USP24: variants seen among roughly 807,000 people sequenced by gnomAD.
USP24 encodes ubiquitin carboxyl-terminal hydrolase 24.
A neutral mutation model predicts 361.6 loss-of-function variants in USP24; 97 were observed. The observed-to-expected ratio is 0.27, with a 90% CI of 0.23 to 0.32. USP24 has a LOEUF of 0.32. Among genes scored for constraint, USP24 ranks in the 10% least tolerant of loss-of-function variants. USP24 has a pLI of 1.00. For synonymous variants in USP24, 1,098 were observed against 1,124.6 expected, an observed-to-expected ratio of 0.98 and a Z score of 0.47; for missense variants, 2,353 against 3,165.6, an observed-to-expected ratio of 0.74 and a Z score of 6.16.
At chr1:55,105,242 T>A (rs1252967154) in intron 41 of USP24, among the ~76,000 whole-genome samples, 2 of 152,178 alleles carry the variant, frequency 1.3e-5, no homozygotes, top group African/African-American at 4.8e-5. Flanking sequence ...GCACCAAATC[T>A]TCCAAAACAG....
At chr1:55,090,379 T>A (rs116770825) in intron 54 of USP24, among the ~76,000 whole-genome samples, 5 of 152,218 alleles carry the variant, frequency 3.3e-5, no homozygotes, top group African/African-American at 1.2e-4. Context: ...TATGCCAGGA[T>A]AGGCATAGTG....
intron 61 of USP24, among the ~76,000 whole-genome samples, chr1:55,077,586 A>G (rs1265274048): frequency 6.6e-6 from 1 of 152,202 alleles, no homozygotes; most frequent in African/African-American, 2.4e-5. Context: ...ATCCGATTTT[A>G]TATATGTCCA....
At chr1:55,145,797 T>C (rs1356103244) in intron 20 of USP24, among the ~76,000 whole-genome samples, 4 of 152,306 alleles carry the variant, frequency 2.6e-5, no homozygotes, top group Admixed American at 6.5e-5. Context: ...GCAGGCCATA[T>C]GATTTAAAAA....
chr1:55,159,109 C>A, intron 9 of USP24, 73 bp from the exon 10 acceptor site: 2 of 1,253,054 alleles, frequency 1.6e-6, no homozygotes, highest in Non-Finnish European at 2.1e-6. Context: ...TTATAACATA[C>A]ACAAGAATAT....
rs192430774 is a variant in USP24 at position 55,112,045 on chromosome 1, A to G, written c.4509-1799T>C. ...ATATTATATCTAAAACAGAGGTATT[A>G]AAAAAAGTCAAGAATGGATCAAAGA... On this transcript the variant is annotated intron_variant, in intron 38 of 67. Transcript: ENST00000294383. Among the ~76,000 whole-genome samples the G allele has an allele frequency of 2.6e-5, 4 of 152,246 alleles. No individual in the cohort carries two copies. The East Asian group carries it at 7.7e-4, about 29-fold the overall frequency.
At chr1:55,137,437 T>C (rs980381225) in intron 28 of USP24, 78 bp downstream of exon 28, 255 of 1,462,718 alleles carry the variant, frequency 1.7e-4, no homozygotes, top group Non-Finnish European at 2.3e-4. Context: ...GCATTTGTTA[T>C]ACAGTTTGGA....
intron 3 of USP24, among the ~76,000 whole-genome samples, chr1:55,175,930 C>T (rs1323061201): frequency 6.6e-6 from 1 of 152,162 alleles, no homozygotes; most frequent in Non-Finnish European, 1.5e-5. Context: ...AATACCTAGT[C>T]AATCTTTTAG....
At chr1:55,103,160 A>T (rs180785441) in intron 42 of USP24, among the ~76,000 whole-genome samples, 145 of 152,226 alleles carry the variant, frequency 9.5e-4, no homozygotes, top group Non-Finnish European at 1.9e-3. Flanking sequence ...AAGCTATTTC[A>T]TGTCTCCACA....
At chr1:55,070,412 G>A (rs912539122) in intron 67 of USP24, among the ~76,000 whole-genome samples, 1 of 152,166 alleles carries the variant, frequency 6.6e-6, no homozygotes, top group Non-Finnish European at 1.5e-5. Context: ...AGAAGGGTTT[G>A]AGGAAAACTA....
At chr1:55,104,279 C>A (rs369306789) in intron 41 of USP24, among the ~76,000 whole-genome samples, 2 of 152,016 alleles carry the variant, frequency 1.3e-5, no homozygotes, top group African/African-American at 2.4e-5. Context: ...AATGGATCAG[C>A]AAGAATGGAG....
intron 59 of USP24, 66 bp from the exon 60 acceptor site, chr1:55,079,725 C>A: frequency 6.9e-7 from 1 of 1,441,756 alleles, no homozygotes; most frequent in Admixed American, 2.9e-5. Context: ...AAATACACAT[C>A]CATAAGAAAA....
At position 55,106,296 on chromosome 1, in the gene USP24, G is replaced by A. The variant is rs368857747; in HGVS notation, c.4763-33C>T. 2.7e-6 allele frequency: 4 copies of A among 1,507,038 alleles called. No individual in the cohort carries two copies. The African/African-American group carries it at 4.1e-5, about 16-fold the overall frequency. 93.4% of individuals were successfully genotyped at this position (1,507,038 alleles called of 1,614,324 possible). On this transcript the variant is annotated intron_variant, in intron 40 of 67. Coordinates refer to ENST00000294383, the MANE Select transcript of USP24 (RefSeq NM_015306.3). ...AGAGCATAATATTCATGTTGAAGAT[G>A]AACACATATTTTAATTCAAAGATCC...
At chr1:55,132,399 A>G (rs533529285) in intron 31 of USP24, 146 bp downstream of exon 31, 158 of 1,066,476 alleles carry the variant, frequency 1.5e-4, no homozygotes, top group Non-Finnish European at 1.2e-5. Context: ...AAAACGTTTC[A>G]ATTTATAATC....
In USP24 at chr1:55,100,636, C is replaced by T. The variant is rs1645610266; in HGVS notation, c.5271+203G>A. On this transcript the variant is annotated intron_variant, in intron 44 of 67. Coordinates refer to ENST00000294383, the MANE Select transcript of USP24 (RefSeq NM_015306.3). ...TCAAAATAATTAAGATGAGCAAATT[C>T]CTAGGAATTGAATGACTATTCTCAA... Among the ~76,000 whole-genome samples the T allele has an allele frequency of 2.6e-5, 4 of 152,140 alleles. No homozygotes were observed. The South Asian group carries it at 6.2e-4, about 24-fold the overall frequency.
chr1:55,154,818 C>T (rs770554647), intron 12 of USP24, 40 bp from the exon 13 acceptor site: 11 of 1,524,854 alleles, frequency 7.2e-6, no homozygotes, highest in Non-Finnish European at 9.9e-6. Flanking sequence ...AGTCTTGGAA[C>T]TCGGAACAAC....
chr1:55,072,022 A>G (rs1423131973), intron 66 of USP24, 98 bp from the exon 67 acceptor site: 1 of 1,097,892 alleles, frequency 9.1e-7, no homozygotes, highest in Non-Finnish European at 1.3e-6. Context: ...CTTCAGTGGG[A>G]CCGGAGGCCT....
chr1:55,117,281 A>G (rs1272667416), intron 38 of USP24, among the ~76,000 whole-genome samples: 1 of 152,244 alleles, frequency 6.6e-6, no homozygotes, highest in Non-Finnish European at 1.5e-5. Context: ...AAGGATGCCC[A>G]CTTTTACCAC....
At chr1:55,156,515 T>C (rs1198475135) in intron 12 of USP24, among the ~76,000 whole-genome samples, 1 of 152,136 alleles carries the variant, frequency 6.6e-6, no homozygotes, top group East Asian at 1.9e-4. Flanking sequence ...GAAGACTATG[T>C]TGGATTCTGT....
At chr1:55,146,628 G>T (rs978023218) in intron 19 of USP24, among the ~76,000 whole-genome samples, 1 of 151,992 alleles carries the variant, frequency 6.6e-6, no homozygotes, top group Non-Finnish European at 1.5e-5. Context: ...TTTTCTGTTG[G>T]CAACTTAAAA....
Sources: allele counts gnomAD v4.1 joint callset (sites outside exome capture counted in the v4.1 genomes callset), GRCh38; gene constraint gnomAD v4.1.1; transcripts MANE v1.5; gene names NCBI Gene and HGNC (gene_info 2026-07-23, HGNC 2026-07-21).